Variants in NT5C1A observed in about 807,000 individuals in gnomAD.
NT5C1A encodes cytosolic 5'-nucleotidase 1A.
In NT5C1A, 18 loss-of-function variants were observed where a neutral mutation model predicts 31.0. The observed-to-expected ratio is 0.58, with a 90% CI of 0.40 to 0.86. The LOEUF is 0.86. NT5C1A is among the 40% of genes least tolerant of loss of function. The probability of loss-of-function intolerance (pLI) is 0.00; values close to 1 mark genes in which losing one functional copy is unlikely to be tolerated. For missense variants in NT5C1A, 470 were observed against 505.4 expected (o/e 0.93, Z 0.67); for synonymous variants, 185 against 203.6 (o/e 0.91, Z 0.78).
intron 1 of NT5C1A, among the ~76,000 whole-genome samples, chr1:39,668,591 C>G (rs1008741063): frequency 6.6e-6 from 1 of 152,188 alleles, no homozygotes; most frequent in African/African-American, 2.4e-5. Context: ...TCTCAAGTCT[C>G]CGGCCTCTAG....
intron 1 of NT5C1A, among the ~76,000 whole-genome samples, chr1:39,671,690 G>T (rs955939759): frequency 1.3e-5 from 2 of 152,148 alleles, no homozygotes; most frequent in African/African-American, 2.4e-5. Flanking sequence ...GGGAGGGGGA[G>T]CCTGGCGTGG....
At chr1:39,662,155 A>G (rs1223031146) in intron 4 of NT5C1A, among the ~76,000 whole-genome samples, 1 of 152,208 alleles carries the variant, frequency 6.6e-6, no homozygotes, top group East Asian at 1.9e-4. Flanking sequence ...TTCAAAGACC[A>G]CTTCAGCCCA....
At chr1:39,669,737 C>A (rs1646540879) in intron 1 of NT5C1A, among the ~76,000 whole-genome samples, 1 of 152,124 alleles carries the variant, frequency 6.6e-6, no homozygotes, top group South Asian at 2.1e-4. Flanking sequence ...TGCCCCAGTC[C>A]CCAGTCTCCA....
At chr1:39,661,501 G>T (rs1350542774) in intron 4 of NT5C1A, among the ~76,000 whole-genome samples, 3 of 152,232 alleles carry the variant, frequency 2.0e-5, no homozygotes, top group Admixed American at 2.0e-4. Context: ...TACCCTGTTG[G>T]TTATTGCTTT....
chr1:39,667,629 A>G (rs1041670322), intron 1 of NT5C1A, among the ~76,000 whole-genome samples: 5 of 152,192 alleles, frequency 3.3e-5, no homozygotes, highest in Admixed American at 6.5e-5. Context: ...CAATCAGTTG[A>G]CAACATTGAG....
In NT5C1A at chr1:39,651,386, C is replaced by A. The variant is rs1384229932; in HGVS notation, c.*7735G>T. ...GTGACCAGGTAAATGTTACAAAGAGCCAGACAGGTCTGGATCGATGGGGTG... is the reference window on the plus strand; with the variant it reads ...GTGACCAGGTAAATGTTACAAAGAGACAGACAGGTCTGGATCGATGGGGTG... On this transcript the variant is annotated 3_prime_UTR_variant, in exon 6 of 6. Coordinates refer to ENST00000235628, the MANE Select transcript of NT5C1A (RefSeq NM_032526.3). 6.6e-6 allele frequency among the ~76,000 whole-genome samples: 1 copy of A among 152,186 alleles called. No homozygotes were observed. Among genetic ancestry groups the A allele is most frequent in the Non-Finnish European group, 1.5e-5 (1 of 68,032 alleles).
At position 39,655,004 on chromosome 1, in the gene NT5C1A, T is replaced by C. The variant is rs1366263766; in HGVS notation, c.*4117A>G. 1.3e-5 allele frequency among the ~76,000 whole-genome samples: 2 copies of C among 152,126 alleles called. No individual in the cohort carries two copies. The highest frequency in any genetic ancestry group is 1.3e-4 in the Admixed American group (2 of 15,278). On this transcript the variant is annotated 3_prime_UTR_variant, in exon 6 of 6. Transcript: ENST00000235628. The stretch of plus-strand genomic sequence containing the variant: ...GATGCCAGGCTGGAGTGCAGTGGCG[T>C]GATCTCGGTTCACTGCAACCTCCGC...
intron 1 of NT5C1A, among the ~76,000 whole-genome samples, chr1:39,667,514 T>C (rs541234524): frequency 2.6e-5 from 4 of 152,308 alleles, no homozygotes; most frequent in African/African-American, 9.6e-5. Context: ...GGGGCTCAAA[T>C]TGAGGTCAAG....
intron 1 of NT5C1A, among the ~76,000 whole-genome samples, chr1:39,670,876 C>G (rs1039666850): frequency 3.3e-4 from 50 of 152,214 alleles, no homozygotes; most frequent in South Asian, 1.2e-3. Flanking sequence ...TACTCCCCCC[C>G]CAACTCCCCT....
chr1:39,656,840 T>G lies in NT5C1A; in HGVS notation c.*2281A>C, dbSNP rs543014728. ...CGGGGGTGATTCTGACCCCTGGGAG[T>G]GAGAAGGAGAGGGCCTTTCTGCAGT... On this transcript the variant is annotated 3_prime_UTR_variant, in exon 6 of 6. Transcript: ENST00000235628. Among the ~76,000 whole-genome samples the G allele has an allele frequency of 7.2e-4, 109 of 152,210 alleles. No individual in the cohort carries two copies. Among genetic ancestry groups the G allele is most frequent in the Non-Finnish European group, 1.2e-3 (82 of 68,010 alleles).
At chr1:39,669,851 C>A (rs993737472) in intron 1 of NT5C1A, among the ~76,000 whole-genome samples, 1 of 152,220 alleles carries the variant, frequency 6.6e-6, no homozygotes, top group Non-Finnish European at 1.5e-5. Flanking sequence ...CGGACTCACC[C>A]TTTCCAATCC....
rs1272567476 is a variant in NT5C1A at position 39,654,660 on chromosome 1, T to G, written c.*4461A>C. 6.6e-6 allele frequency among the ~76,000 whole-genome samples: 1 copy of G among 152,222 alleles called. No individual in the cohort carries two copies. Among genetic ancestry groups the G allele is most frequent in the East Asian group, 1.9e-4 (1 of 5,196 alleles). ...TGAAAATAGTCAAAACTTGGAATCT[T>G]CAGATGGGCATGGAGCCCCATGTCC... On this transcript the variant is annotated 3_prime_UTR_variant, in exon 6 of 6. Transcript: ENST00000235628.
rs1029274455 is a variant in NT5C1A at position 39,654,540 on chromosome 1, T to G, written c.*4581A>C. The stretch of plus-strand genomic sequence containing the variant: ...TGGGCTCATCCCCAGCCAAGGGCCC[T>G]GCTCCTGCCCTCTCACTCATCAGCT... On this transcript the variant is annotated 3_prime_UTR_variant, in exon 6 of 6. Coordinates refer to ENST00000235628, the MANE Select transcript of NT5C1A (RefSeq NM_032526.3). Among the ~76,000 whole-genome samples, 5 of 152,218 alleles carry G rather than the reference T, an allele frequency of 3.3e-5. No homozygotes were observed. The highest frequency in any genetic ancestry group is 5.9e-5 in the Non-Finnish European group (4 of 68,034).
intron 3 of NT5C1A, 51 bp from the exon 4 acceptor site, chr1:39,663,485 C>A: frequency 6.2e-7 from 1 of 1,603,872 alleles, no homozygotes; most frequent in South Asian, 1.1e-5. Context: ...CCCTGGGCTT[C>A]AGGGCAGTCT....
chr1:39,672,070 G>T lies in NT5C1A; in HGVS notation c.-32C>A. The T allele has an allele frequency of 6.5e-7, 1 of 1,536,008 alleles. No homozygotes were observed. Among genetic ancestry groups the T allele is most frequent in the Non-Finnish European group, 8.7e-7 (1 of 1,152,696 alleles). Reference sequence around the variant, plus strand: ...GCTCTGACCCGGCCCGGCCAGAGCAGGCGGCGGCGTAGACGCGGAGGTGGC... The same window carrying T: ...GCTCTGACCCGGCCCGGCCAGAGCATGCGGCGGCGTAGACGCGGAGGTGGC... On this transcript the variant is annotated 5_prime_UTR_variant, in exon 1 of 6. The change creates a new upstream start codon in the 5' untranslated region. Coordinates refer to ENST00000235628, the MANE Select transcript of NT5C1A (RefSeq NM_032526.3).
At chr1:39,671,817 GC>G in intron 1 of NT5C1A, 86 bp downstream of exon 1, 1 of 1,518,026 alleles carries the variant, frequency 6.6e-7, no homozygotes. Context: ...CCAGAGGGGC[GC>G]CACGGGTCCC....
At position 39,659,503 on chromosome 1, in the gene NT5C1A, G is replaced by A. The variant is rs764325093; in HGVS notation, c.742-17C>T. On this transcript the variant is annotated splice_polypyrimidine_tract_variant and intron_variant, in intron 5 of 5. Coordinates refer to ENST00000235628, the MANE Select transcript of NT5C1A (RefSeq NM_032526.3). ...TAAGGGGCCCTATGAGAAGGCAAGG[G>A]GAACATTGTTAGCTCTACCACCTCC... The A allele has an allele frequency of 4.5e-6, 7 of 1,539,530 alleles. No individual in the cohort carries two copies. The highest frequency in any genetic ancestry group is 1.3e-5 in the South Asian group (1 of 79,338).
At chr1:39,659,850 C>T (rs1646484119) in intron 5 of NT5C1A, among the ~76,000 whole-genome samples, 1 of 152,132 alleles carries the variant, frequency 6.6e-6, no homozygotes, top group Admixed American at 6.5e-5. Flanking sequence ...GGCATGGGCG[C>T]CCTCCAATCA....
chr1:39,666,367 C>G, intron 1 of NT5C1A, 131 bp from the exon 2 acceptor site: 1 of 846,732 alleles, frequency 1.2e-6, no homozygotes, highest in Non-Finnish European at 1.8e-6. Flanking sequence ...AGAGGCCCAG[C>G]CTTGAGCAGA....
Sources: allele counts gnomAD v4.1 joint callset (sites outside exome capture counted in the v4.1 genomes callset), GRCh38; gene constraint gnomAD v4.1.1; transcripts MANE v1.5; gene names NCBI Gene and HGNC (gene_info 2026-07-23, HGNC 2026-07-21).